The following HS2ST1 variants were observed in gnomAD, a reference collection of about 807,000 sequenced individuals.
The protein encoded by HS2ST1 is heparan sulfate 2-O-sulfotransferase 1.
HS2ST1 carries 18 observed loss-of-function variants against 42.9 expected under a neutral mutation model. That is an observed-to-expected ratio of 0.42 (90% CI 0.29 to 0.62). The LOEUF (loss-of-function observed/expected upper bound fraction) is 0.62. Ranked by LOEUF, HS2ST1 falls within the 20% of genes least tolerant of loss-of-function variation. The probability of loss-of-function intolerance (pLI) is 0.21; values close to 1 mark genes in which losing one functional copy is unlikely to be tolerated. For missense variants in HS2ST1, 334 were observed against 433.8 expected (o/e 0.77, Z 2.04); for synonymous variants, 146 against 152.9 (o/e 0.95, Z 0.33).
intron 1 of HS2ST1, among the ~76,000 whole-genome samples, chr1:86,960,227 C>CAAAAAAAAAAAAAA (rs145286319): frequency 7.6e-6 from 1 of 131,492 alleles, no homozygotes. Flanking sequence ...TCCACGCCAC[C>CAAAAAAAAAAAAAA]AAAAAAAAAA....
chr1:86,998,648 C>T (rs1280426288), intron 1 of HS2ST1, among the ~76,000 whole-genome samples: 2 of 152,150 alleles, frequency 1.3e-5, no homozygotes, highest in Admixed American at 6.5e-5. Flanking sequence ...TCCATACACA[C>T]ACGTACACAT....
At chr1:86,985,070 T>C (rs2102224246) in intron 1 of HS2ST1, among the ~76,000 whole-genome samples, 1 of 151,600 alleles carries the variant, frequency 6.6e-6, no homozygotes, top group East Asian at 2.0e-4. Flanking sequence ...ATTTATTCTG[T>C]TTTGGCCAGG....
At chr1:87,068,941 CCTCAA>C (rs1158211870) in intron 1 of HS2ST1, among the ~76,000 whole-genome samples, 1 of 152,116 alleles carries the variant, frequency 6.6e-6, no homozygotes, top group Non-Finnish European at 1.5e-5. Context: ...AATCCTCCTC[CCTCAA>C]CTCCTGAGTA....
At chr1:87,013,876 C>G (rs1050038940) in intron 1 of HS2ST1, among the ~76,000 whole-genome samples, 1 of 152,152 alleles carries the variant, frequency 6.6e-6, no homozygotes, top group Non-Finnish European at 1.5e-5. Flanking sequence ...CACAGGTCTC[C>G]AGGGCAGGGG....
At chr1:87,020,488 C>G (rs1414835507) in intron 1 of HS2ST1, among the ~76,000 whole-genome samples, 1 of 152,184 alleles carries the variant, frequency 6.6e-6, no homozygotes, top group African/African-American at 2.4e-5. Flanking sequence ...CATTGTATTT[C>G]TTGAGTTTCC....
chr1:87,030,712 A>C (rs1246427493), intron 1 of HS2ST1, among the ~76,000 whole-genome samples: 1 of 152,312 alleles, frequency 6.6e-6, no homozygotes, highest in Admixed American at 6.5e-5. Context: ...TAGCCATATA[A>C]TGCTTTCTTT....
intron 5 of HS2ST1, among the ~76,000 whole-genome samples, chr1:87,099,447 C>A (rs1460297954): frequency 6.6e-6 from 1 of 152,174 alleles, no homozygotes; most frequent in Non-Finnish European, 1.5e-5. Context: ...CTTACGTGAA[C>A]TGAGCGAGAG....
At chr1:86,959,368 T>G (rs1647761879) in intron 1 of HS2ST1, among the ~76,000 whole-genome samples, 1 of 152,240 alleles carries the variant, frequency 6.6e-6, no homozygotes, top group South Asian at 2.1e-4. Flanking sequence ...TAATAAGTGA[T>G]TATAGCAGGT....
chr1:87,020,041 ATC>A lies in HS2ST1; in HGVS notation c.125-52888_125-52887del, dbSNP rs559338820. On this transcript the variant is annotated intron_variant, in intron 1 of 6. Coordinates refer to ENST00000370550, the MANE Select transcript of HS2ST1 (RefSeq NM_012262.4). ...TTTTGTTTCTATTAGCATGGAGAGT[ATC>A]TCTCATTATTTTCTGTGAAATGACT... 7.2e-5 allele frequency among the ~76,000 whole-genome samples: 11 copies of A among 152,230 alleles called. No individual in the cohort carries two copies. The East Asian group carries it at 1.9e-3, about 27-fold the overall frequency.
chr1:87,075,568 C>T (rs1445404437), intron 2 of HS2ST1, among the ~76,000 whole-genome samples: 1 of 152,152 alleles, frequency 6.6e-6, no homozygotes, highest in Non-Finnish European at 1.5e-5. Context: ...AATCTGTTGT[C>T]TCCAGCTTCC....
chr1:87,013,567 C>G (rs1649664172), intron 1 of HS2ST1, among the ~76,000 whole-genome samples: 1 of 152,202 alleles, frequency 6.6e-6, no homozygotes, highest in Admixed American at 6.5e-5. Context: ...GAGACATTTT[C>G]CTCATTGTCT....
chr1:86,994,419 T>A (rs1649037740), intron 1 of HS2ST1, among the ~76,000 whole-genome samples: 1 of 152,230 alleles, frequency 6.6e-6, no homozygotes, highest in African/African-American at 2.4e-5. Flanking sequence ...ACAAAATTCC[T>A]TGGCTTTGTT....
chr1:87,062,493 TTAAA>T (rs1247155552), intron 1 of HS2ST1, among the ~76,000 whole-genome samples: 5 of 152,214 alleles, frequency 3.3e-5, no homozygotes, highest in Admixed American at 3.3e-4. Flanking sequence ...TGTAATTGTC[TTAAA>T]TATTTGCTCT....
chr1:86,924,515 T>G, intron 1 of HS2ST1, among the ~76,000 whole-genome samples: 1 of 152,208 alleles, frequency 6.6e-6, no homozygotes, highest in East Asian at 1.9e-4. Context: ...AGCAAACTTC[T>G]GCTTGGGTAT....
chr1:87,013,665 A>G (rs10873814), intron 1 of HS2ST1, among the ~76,000 whole-genome samples: 105,999 of 152,130 alleles, frequency 0.7, 39,206 homozygotes, highest in East Asian at 0.97. Context: ...TTTCTTTTCT[A>G]TTGCATTGTC....
At chr1:86,952,332 G>A (rs896920093) in intron 1 of HS2ST1, among the ~76,000 whole-genome samples, 6 of 152,040 alleles carry the variant, frequency 3.9e-5, no homozygotes, top group Admixed American at 6.5e-5. Flanking sequence ...TTGCCTCCTG[G>A]GCTCAAGTGA....
chr1:86,924,998 T>A (rs992543752), intron 1 of HS2ST1, among the ~76,000 whole-genome samples: 2 of 152,230 alleles, frequency 1.3e-5, no homozygotes, highest in African/African-American at 4.8e-5. Context: ...GTTTCCCTTT[T>A]AAAATTGAAT....
chr1:87,026,327 G>A (rs1391735871), intron 1 of HS2ST1, among the ~76,000 whole-genome samples: 9 of 152,164 alleles, frequency 5.9e-5, no homozygotes. Context: ...AAATATGGTA[G>A]GATCATACTC....
chr1:87,046,197 G>C, intron 1 of HS2ST1: 1 of 862,746 alleles, frequency 1.2e-6, no homozygotes. Flanking sequence ...TCCTCTTATT[G>C]AAAGTGGAAC....
Sources: gnomAD v4.1 joint callset for allele counts (sites outside exome capture counted in the v4.1 genomes callset) on GRCh38, gnomAD v4.1.1 for gene constraint, MANE v1.5 for transcripts, NCBI Gene and HGNC (gene_info 2026-07-23, HGNC 2026-07-21) for gene names.